SPAG1: variants seen among roughly 807,000 people sequenced by gnomAD.
SPAG1 encodes the protein sperm-associated antigen 1.
A neutral mutation model predicts 100.5 loss-of-function variants in SPAG1; 69 were observed. That is an observed-to-expected ratio of 0.69 (90% CI 0.57 to 0.84). SPAG1 has a LOEUF of 0.84. Among genes scored for constraint, SPAG1 ranks in the 40% least tolerant of loss-of-function variants. The pLI, the probability that SPAG1 is intolerant of heterozygous loss-of-function variation, is 0.00. For synonymous variants in SPAG1, 336 were observed against 411.6 expected, an observed-to-expected ratio of 0.82 and a Z score of 2.22; for missense variants, 955 against 1,133.1, an observed-to-expected ratio of 0.84 and a Z score of 2.26.
rs567166659 is a variant in SPAG1 at position 100,194,697 on chromosome 8, T to C, written c.1096+429T>C. ...TATTACTAGAAAATTGCTATGTGTGTTTTTCAAAAATATTTTAAATATGCA... is the reference window on the plus strand; with the variant it reads ...TATTACTAGAAAATTGCTATGTGTGCTTTTCAAAAATATTTTAAATATGCA... On this transcript the variant is annotated intron_variant, in intron 10 of 18. Coordinates refer to ENST00000388798, the MANE Select transcript of SPAG1 (RefSeq NM_003114.5). 22 of 310,830 alleles carry C rather than the reference T, an allele frequency of 7.1e-5. 1 individual carries two copies. The highest frequency in any genetic ancestry group is 4.3e-4 in the African/African-American group (20 of 47,030). The allele number at this position is 310,830 out of a possible 1,614,324, so 19.3% of individuals were successfully genotyped here.
At chr8:100,228,137 G>T (rs1447064820) in intron 14 of SPAG1, among the ~76,000 whole-genome samples, 4 of 152,046 alleles carry the variant, frequency 2.6e-5, no homozygotes, top group African/African-American at 7.2e-5. Flanking sequence ...AGTAGCCTAG[G>T]CTATGTGAGA....
intron 12 of SPAG1, among the ~76,000 whole-genome samples, chr8:100,219,411 G>C (rs1339326467): frequency 6.6e-6 from 1 of 152,192 alleles, no homozygotes. Flanking sequence ...TCTCTGCATG[G>C]AGGACTTCTT....
At chr8:100,159,775 AATTT>A (rs1414163787) in intron 1 of SPAG1, among the ~76,000 whole-genome samples, 1 of 152,140 alleles carries the variant, frequency 6.6e-6, no homozygotes, top group African/African-American at 2.4e-5. Flanking sequence ...CAACTCACTA[AATTT>A]ATTTATGGGT....
Position 100,166,341 on chromosome 8 carries a change from C to A in SPAG1, c.300+368C>A, listed in dbSNP as rs371564209. On this transcript the variant is annotated intron_variant, in intron 3 of 18. Coordinates refer to ENST00000388798, the MANE Select transcript of SPAG1 (RefSeq NM_003114.5). ...TGGCACGATCTTGGCTCACTGCAAC[C>A]TCTGCCTCCCAGGTTCAAGTGATTC... Among the ~76,000 whole-genome samples, 11 of 152,230 alleles carry A rather than the reference C, an allele frequency of 7.2e-5. No individual in the cohort carries two copies. The East Asian group carries it at 1.9e-3, about 27-fold the overall frequency.
intron 9 of SPAG1, 109 bp downstream of exon 9, chr8:100,191,605 A>G: frequency 1.4e-6 from 1 of 702,546 alleles, no homozygotes; most frequent in Non-Finnish European, 2.4e-6. Context: ...ATCAGGTCAC[A>G]GCTTTAAAAG....
chr8:100,225,630 AG>A (rs2132405700), intron 14 of SPAG1, among the ~76,000 whole-genome samples: 1 of 149,948 alleles, frequency 6.7e-6, no homozygotes, highest in East Asian at 2.0e-4. Context: ...GGCTAATTTT[AG>A]TGGGTTTTTT....
At chr8:100,220,149 C>T in intron 12 of SPAG1, 130 bp from the exon 13 acceptor site, 5 of 702,090 alleles carry the variant, frequency 7.1e-6, no homozygotes, top group South Asian at 6.9e-5. Context: ...GGCATGTTGC[C>T]TGGTTCCCAA....
At chr8:100,204,293 T>A (rs539446622) in intron 10 of SPAG1, among the ~76,000 whole-genome samples, 1 of 151,978 alleles carries the variant, frequency 6.6e-6, no homozygotes. Context: ...CCCCTAGAGG[T>A]GAGGTTGAGA....
Position 100,241,015 on chromosome 8 carries a change from A to T in SPAG1, c.2774A>T (p.Glu925Val). The T allele has an allele frequency of 1.9e-6, 3 of 1,611,272 alleles. No individual in the cohort carries two copies. Among genetic ancestry groups the T allele is most frequent in the Non-Finnish European group, 2.5e-6 (3 of 1,179,026 alleles). The part of the protein sequence containing the change: ...EDIQALKRQY[E>V]L ...ATACAGGCCCTAAAAAGGCAGTATG[A>T]GCTTTAAATCAAGATAATTGTTAGA... is the stretch of plus-strand genomic sequence containing the variant. Residue 925 changes from glutamate to valine, a missense_variant, in exon 19 of 19, where the codon GAG becomes GTG. By Grantham distance (121) the Glu-to-Val change is moderately radical (BLOSUM62 -2). Transcript: ENST00000388798. The surrounding 1 kb of genome is among the most constrained non-coding windows in gnomAD (Gnocchi z 5.1).
At chr8:100,230,945 A>C (rs920604999) in intron 14 of SPAG1, among the ~76,000 whole-genome samples, 1 of 152,152 alleles carries the variant, frequency 6.6e-6, no homozygotes, top group Non-Finnish European at 1.5e-5. Context: ...TCTAATTAGA[A>C]AATAATAGTA....
rs1425723703 is a variant in SPAG1, at chr8:100,240,936, C to T, written c.2695C>T (p.Gln899Ter). The change falls in exon 19 of 19, where the codon CAG (glutamine) becomes TAG (stop). Residue 899 changes from glutamine to a stop codon, truncating the protein, a stop_gained. Coordinates refer to ENST00000388798, the MANE Select transcript of SPAG1 (RefSeq NM_003114.5). LOFTEE classifies it high-confidence loss of function. ...ISKGQKELIE[Q>*]LFEDLSDTPN... ...CAAGGGCCAAAAGGAGCTAATTGAA[C>T]AGCTGTTTGAGGACCTTTCGGACAC... The T allele has an allele frequency of 6.2e-7, 1 of 1,607,674 alleles. No individual in the cohort carries two copies. Among genetic ancestry groups the T allele is most frequent in the East Asian group, 2.2e-5 (1 of 44,612 alleles).
intron 13 of SPAG1, among the ~76,000 whole-genome samples, chr8:100,224,413 G>T (rs148127923): frequency 6.6e-6 from 1 of 152,050 alleles, no homozygotes; most frequent in South Asian, 2.1e-4. Context: ...GTGGTGGCGC[G>T]TGCCTGTAAT....
At chr8:100,233,361 A>T (rs1223901886) in intron 15 of SPAG1, 50 bp from the exon 16 acceptor site, 3 of 1,604,610 alleles carry the variant, frequency 1.9e-6, no homozygotes, top group Non-Finnish European at 2.6e-6. Flanking sequence ...AAACTTACAG[A>T]TAGCCAATCT....
intron 8 of SPAG1, among the ~76,000 whole-genome samples, chr8:100,191,143 GGC>G (rs1816798096): frequency 6.6e-6 from 1 of 152,148 alleles, no homozygotes; most frequent in Admixed American, 6.5e-5. Flanking sequence ...TGGAAAAGCT[GGC>G]GGGGCCTGGG....
chr8:100,194,292 T>C (rs1311160752), intron 10 of SPAG1, 24 bp downstream of exon 10: 26 of 1,599,832 alleles, frequency 1.6e-5, no homozygotes, highest in Non-Finnish European at 2.2e-5. Context: ...TCTATTTAGG[T>C]TATGTAAAAA....
chr8:100,205,157 G>C (rs1185466187), intron 10 of SPAG1, among the ~76,000 whole-genome samples: 1 of 152,146 alleles, frequency 6.6e-6, no homozygotes, highest in East Asian at 1.9e-4. Context: ...TTCCAGACTT[G>C]AGCCAGTTTG....
chr8:100,159,345 C>T (rs1815207410), intron 1 of SPAG1, among the ~76,000 whole-genome samples: 1 of 152,166 alleles, frequency 6.6e-6, no homozygotes, highest in Admixed American at 6.5e-5. Flanking sequence ...GTGAAAGCCA[C>T]ATCTAATTTC....
chr8:100,184,011 G>A lies in SPAG1; in HGVS notation c.544G>A (p.Val182Ile), dbSNP rs765946571. 8 of 1,545,584 alleles carry A rather than the reference G, an allele frequency of 5.2e-6. No individual in the cohort carries two copies. The highest frequency in any genetic ancestry group is 2.2e-5 in the Admixed American group (1 of 44,802). Residue 182 changes from valine (V) to isoleucine (I), a missense_variant, in exon 6 of 19, where the codon GTA becomes ATA. Val to Ile is a conservative substitution (Grantham distance 29, BLOSUM62 3). Coordinates refer to ENST00000388798, the MANE Select transcript of SPAG1 (RefSeq NM_003114.5). ...KIDEDYKEKT[V>I]IDKSHLSKIE... ...TGATGAAGATTACAAAGAAAAGACG[G>A]TAATAGACAAGTCACACTTGTCTAA...
chr8:100,160,663 G>A (rs1490158939), intron 1 of SPAG1, among the ~76,000 whole-genome samples: 2 of 151,666 alleles, frequency 1.3e-5, no homozygotes, highest in African/African-American at 4.8e-5. Flanking sequence ...TGTACAGAGT[G>A]CCCTTAGAAC....
Sources: allele counts gnomAD v4.1 joint callset (sites outside exome capture counted in the v4.1 genomes callset), GRCh38; gene constraint gnomAD v4.1.1; non-coding constraint Gnocchi (gnomAD v3.1); transcripts MANE v1.5; gene names NCBI Gene and HGNC (gene_info 2026-07-23, HGNC 2026-07-21).